Variants in COL25A1 observed in about 807,000 individuals in gnomAD.
COL25A1 encodes the protein collagen type XXV alpha 1 chain.
COL25A1 carries 103 observed loss-of-function variants against 128.4 expected under a neutral mutation model. That is an observed-to-expected ratio of 0.80 (90% CI 0.68 to 0.94). The LOEUF is 0.94. Ranked by LOEUF, COL25A1 falls within the 40% of genes least tolerant of loss-of-function variation. The pLI is 0.00. For missense variants in COL25A1, 745 were observed against 840.0 expected, an observed-to-expected ratio of 0.89 and a Z score of 1.40; for synonymous variants, 279 against 277.2, an observed-to-expected ratio of 1.01 and a Z score of -0.06.
At chr4:108,848,688 C>G (rs13130308) in intron 27 of COL25A1, 71 bp downstream of exon 27, 1 of 1,113,790 alleles carries the variant, frequency 9.0e-7, no homozygotes, top group South Asian at 1.3e-5. Flanking sequence ...GACATTTTGG[C>G]TTCAAACCTA....
chr4:109,112,358 C>T (rs1767105958), intron 3 of COL25A1, among the ~76,000 whole-genome samples: 1 of 152,050 alleles, frequency 6.6e-6, no homozygotes, highest in South Asian at 2.1e-4. Flanking sequence ...AATAAAGGCA[C>T]ATGTGTCCTT....
intron 3 of COL25A1, among the ~76,000 whole-genome samples, chr4:109,050,830 T>C (rs1470934178): frequency 2.0e-5 from 3 of 151,792 alleles, no homozygotes; most frequent in African/African-American, 7.3e-5. Flanking sequence ...TGTCATTCAA[T>C]AAATAGTTAG....
intron 3 of COL25A1, among the ~76,000 whole-genome samples, chr4:109,285,974 T>C (rs1723853601): frequency 6.6e-6 from 1 of 152,296 alleles, no homozygotes; most frequent in East Asian, 1.9e-4. Flanking sequence ...CTCCCACATA[T>C]ACAGCTTGAG....
At chr4:109,299,657 G>C (rs1725320158) in intron 3 of COL25A1, among the ~76,000 whole-genome samples, 1 of 152,122 alleles carries the variant, frequency 6.6e-6, no homozygotes, top group Non-Finnish European at 1.5e-5. Context: ...AATTTTAAGA[G>C]ACTCACTTTC....
chr4:108,819,187 T>C, intron 36 of COL25A1, 65 bp downstream of exon 36: 1 of 1,255,142 alleles, frequency 8.0e-7, no homozygotes, highest in Non-Finnish European at 1.1e-6. Flanking sequence ...TTTACACTGA[T>C]AGAGATGAAC....
chr4:109,268,592 T>C (rs959002297), intron 3 of COL25A1, among the ~76,000 whole-genome samples: 4 of 152,188 alleles, frequency 2.6e-5, no homozygotes, highest in East Asian at 1.9e-4. Context: ...AAATTAAATA[T>C]ATAGAGCCAA....
At chr4:109,258,324 T>C (rs1017183156) in intron 3 of COL25A1, among the ~76,000 whole-genome samples, 1 of 152,266 alleles carries the variant, frequency 6.6e-6, no homozygotes, top group African/African-American at 2.4e-5. Flanking sequence ...TGCATTTTTA[T>C]ATTAAAACTG....
chr4:108,901,316 C>T, intron 13 of COL25A1, 144 bp from the exon 14 acceptor site: 2 of 648,446 alleles, frequency 3.1e-6, no homozygotes, highest in Non-Finnish European at 5.4e-6. Context: ...AGTTAGCTTC[C>T]ATGGTCCAAA....
At chr4:109,183,923 CAAAAAAAA>C (rs34164987) in intron 3 of COL25A1, among the ~76,000 whole-genome samples, 1 of 105,548 alleles carries the variant, frequency 9.5e-6, no homozygotes, top group Non-Finnish European at 2.1e-5. Flanking sequence ...ACACCAACTT[CAAAAAAAA>C]AAAAAAAAAA....
intron 3 of COL25A1, among the ~76,000 whole-genome samples, chr4:109,266,653 C>CA (rs763813147): frequency 1.1e-3 from 153 of 134,472 alleles, no homozygotes; most frequent in African/African-American, 1.8e-3. Context: ...TTACTACGAC[C>CA]AAAAAAAAAA....
At chr4:109,273,016 G>T (rs1782306558) in intron 3 of COL25A1, among the ~76,000 whole-genome samples, 1 of 152,112 alleles carries the variant, frequency 6.6e-6, no homozygotes, top group Admixed American at 6.6e-5. Context: ...TATAACATTT[G>T]CATTTTAGAA....
intron 3 of COL25A1, among the ~76,000 whole-genome samples, chr4:109,116,664 T>C (rs1043982993): frequency 4.6e-5 from 7 of 152,006 alleles, no homozygotes; most frequent in African/African-American, 1.4e-4. Context: ...TGAACAAGCA[T>C]CAGAACCAGA....
intron 3 of COL25A1, among the ~76,000 whole-genome samples, chr4:109,141,746 G>A (rs191701564): frequency 3.1e-4 from 47 of 152,138 alleles, no homozygotes; most frequent in African/African-American, 1.0e-3. Context: ...ATTCTCTGAC[G>A]GTTGTTTGTA....
chr4:108,914,550 C>G (rs1286171737), intron 13 of COL25A1, among the ~76,000 whole-genome samples: 1 of 151,846 alleles, frequency 6.6e-6, no homozygotes, highest in African/African-American at 2.4e-5. Flanking sequence ...AGAACACATT[C>G]TACCTCTATG....
At chr4:109,132,193 C>T (rs773191696) in intron 3 of COL25A1, among the ~76,000 whole-genome samples, 9 of 152,130 alleles carry the variant, frequency 5.9e-5, no homozygotes, top group Non-Finnish European at 1.2e-4. Context: ...AGCCATTAGA[C>T]TTTAAATAGT....
At chr4:108,876,437 T>G (rs1739465705) in intron 19 of COL25A1, among the ~76,000 whole-genome samples, 1 of 152,160 alleles carries the variant, frequency 6.6e-6, no homozygotes, top group South Asian at 2.1e-4. Context: ...TCTCTTTGTT[T>G]TTGTTGTTTT....
At chr4:108,993,595 C>G (rs930516672) in intron 6 of COL25A1, among the ~76,000 whole-genome samples, 2 of 152,182 alleles carry the variant, frequency 1.3e-5, no homozygotes, top group Non-Finnish European at 2.9e-5. Context: ...TGCGGTGACT[C>G]ACGCCTGTAA....
At chr4:109,070,816 G>A (rs1050461377) in intron 3 of COL25A1, among the ~76,000 whole-genome samples, 1 of 151,870 alleles carries the variant, frequency 6.6e-6, no homozygotes, top group Middle Eastern at 3.4e-3. Flanking sequence ...ATAGTTTGCT[G>A]AGAATTATGG....
intron 4 of COL25A1, among the ~76,000 whole-genome samples, chr4:109,048,422 T>C (rs1033852606): frequency 6.6e-6 from 1 of 152,210 alleles, no homozygotes; most frequent in African/African-American, 2.4e-5. Flanking sequence ...CCCTGAAGCC[T>C]GTCTATGAAT....
Sources: gnomAD v4.1 joint callset for allele counts (sites outside exome capture counted in the v4.1 genomes callset) on GRCh38, gnomAD v4.1.1 for gene constraint, MANE v1.5 for transcripts, NCBI Gene and HGNC (gene_info 2026-07-23, HGNC 2026-07-21) for gene names.